RANBP17: variants seen among roughly 807,000 people sequenced by gnomAD.
RANBP17 encodes the protein ran-binding protein 17.
Under a neutral mutation model 141.2 loss-of-function variants are expected in RANBP17, and 158 were observed. The ratio of observed to expected loss-of-function variants is 1.12; its 90% CI spans 0.98 to 1.28. The LOEUF is 1.28. RANBP17 is among the 50% of genes most tolerant of loss of function. RANBP17 has a pLI of 0.00. For synonymous variants in RANBP17, 430 were observed against 450.0 expected (o/e 0.96, Z 0.56); for missense variants, 1,438 against 1,290.7 (o/e 1.11, Z -1.75).
intron 3 of RANBP17, among the ~76,000 whole-genome samples, chr5:170,889,575 G>T (rs1769432433): frequency 6.6e-6 from 1 of 152,106 alleles, no homozygotes; most frequent in Admixed American, 6.5e-5. Flanking sequence ...CATAATAGCA[G>T]TATCTTCACA....
chr5:170,908,657 G>GA (rs78393696), intron 5 of RANBP17, among the ~76,000 whole-genome samples: 1,811 of 135,646 alleles, frequency 0.013, 23 homozygotes, highest in African/African-American at 0.042. Context: ...TGAAAGTTGG[G>GA]AAAAAAAAAA....
intron 14 of RANBP17, among the ~76,000 whole-genome samples, chr5:171,010,580 AAGAG>A (rs1041137155): frequency 6.6e-6 from 1 of 152,156 alleles, no homozygotes; most frequent in Non-Finnish European, 1.5e-5. Context: ...AATCTGCAGA[AAGAG>A]ACCAGCAGTT....
chr5:171,071,899 CTT>C (rs916813250), intron 14 of RANBP17, among the ~76,000 whole-genome samples: 40 of 151,944 alleles, frequency 2.6e-4, no homozygotes, highest in African/African-American at 9.4e-4. Context: ...AAAGTTTAAA[CTT>C]TTAAACTTTC....
chr5:170,877,960 G>A (rs914474436), intron 1 of RANBP17, 137 bp from the exon 2 acceptor site: 25 of 496,700 alleles, frequency 5.0e-5, no homozygotes, highest in Admixed American at 4.2e-5. Flanking sequence ...GTATCCCCTA[G>A]TAAGTAGTTG....
At chr5:171,069,774 G>T (rs1277560507) in intron 14 of RANBP17, among the ~76,000 whole-genome samples, 1 of 152,088 alleles carries the variant, frequency 6.6e-6, no homozygotes, top group African/African-American at 2.4e-5. Flanking sequence ...CTCATGATGG[G>T]TTTGTCAGGA....
intron 3 of RANBP17, among the ~76,000 whole-genome samples, chr5:170,883,037 G>A (rs1485303286): frequency 6.6e-6 from 1 of 152,072 alleles, no homozygotes; most frequent in Non-Finnish European, 1.5e-5. Flanking sequence ...AATTTGACTG[G>A]TCAAAATCTC....
intron 25 of RANBP17, among the ~76,000 whole-genome samples, chr5:171,285,560 A>G (rs534394165): frequency 6.6e-6 from 1 of 152,216 alleles, no homozygotes; most frequent in African/African-American, 2.4e-5. Flanking sequence ...GGCAAGAGTG[A>G]GAGTTTCCCA....
intron 12 of RANBP17, among the ~76,000 whole-genome samples, chr5:170,947,565 A>G (rs1774864781): frequency 6.6e-6 from 1 of 152,178 alleles, no homozygotes; most frequent in Non-Finnish European, 1.5e-5. Flanking sequence ...TTGCATTATT[A>G]TCTCTCAGTG....
intron 14 of RANBP17, among the ~76,000 whole-genome samples, chr5:171,004,664 C>A (rs1370010348): frequency 2.0e-5 from 3 of 152,122 alleles, no homozygotes; most frequent in African/African-American, 4.8e-5. Context: ...AGCTGCTAAG[C>A]CAAGGAGATC....
chr5:170,870,570 A>G (rs1767637950), intron 1 of RANBP17, among the ~76,000 whole-genome samples: 1 of 152,206 alleles, frequency 6.6e-6, no homozygotes, highest in Non-Finnish European at 1.5e-5. Context: ...TAATGGCTGC[A>G]TAGTATTCCA....
chr5:170,908,032 A>G (rs1229097487), intron 5 of RANBP17, among the ~76,000 whole-genome samples: 1 of 151,948 alleles, frequency 6.6e-6, no homozygotes, highest in African/African-American at 2.4e-5. Context: ...CACAGATGCT[A>G]GCAAGGCTGT....
chr5:170,938,802 G>A (rs888710708), intron 12 of RANBP17, among the ~76,000 whole-genome samples: 1 of 152,072 alleles, frequency 6.6e-6, no homozygotes, highest in South Asian at 2.1e-4. Flanking sequence ...TAAAAGAGAC[G>A]TTAAAGGATG....
At chr5:171,078,320 G>A (rs1317678804) in intron 14 of RANBP17, among the ~76,000 whole-genome samples, 7 of 151,934 alleles carry the variant, frequency 4.6e-5, no homozygotes, top group African/African-American at 1.7e-4. Flanking sequence ...CTGCCACCAC[G>A]CCCAGCTAAT....
intron 24 of RANBP17, among the ~76,000 whole-genome samples, chr5:171,250,998 G>A (rs1049662933): frequency 6.6e-6 from 1 of 152,212 alleles, no homozygotes; most frequent in Non-Finnish European, 1.5e-5. Context: ...CAGAGCTACA[G>A]AATCTACTCA....
intron 1 of RANBP17, among the ~76,000 whole-genome samples, chr5:170,870,730 ATACCCAG>A (rs1420354450): frequency 1.3e-5 from 2 of 152,206 alleles, no homozygotes; most frequent in Admixed American, 1.3e-4. Context: ...CTTTGAGTAT[ATACCCAG>A]TAATGAGATT....
At chr5:171,023,449 C>G (rs183332341) in intron 14 of RANBP17, among the ~76,000 whole-genome samples, 47 of 152,252 alleles carry the variant, frequency 3.1e-4, no homozygotes, top group South Asian at 8.3e-4. Flanking sequence ...GCTATTTACA[C>G]TTCTTTTCTT....
chr5:171,177,291 A>G (rs1371881727), intron 16 of RANBP17, among the ~76,000 whole-genome samples: 1 of 152,032 alleles, frequency 6.6e-6, no homozygotes, highest in Non-Finnish European at 1.5e-5. Flanking sequence ...ACCTTCACCA[A>G]GTTCTTTAGA....
rs1762194904 is a variant in RANBP17 at position 171,199,749 on chromosome 5, C to G, written c.2118C>G (p.Asn706Lys). Reference sequence around the variant, plus strand: ...AAACAGTATTACAAATATTCAACAACAACTTTAAACAAGAAGATGTAAAGG... The same window carrying G: ...AAACAGTATTACAAATATTCAACAAGAACTTTAAACAAGAAGATGTAAAGG... The part of the protein sequence containing the change: ...AFETVLQIFN[N>K]NFKQEDVKRM... Residue 706 changes from asparagine to lysine, a missense_variant, in exon 19 of 28, where the codon AAC becomes AAG. By Grantham distance (94) the Asn-to-Lys change is moderately conservative. Transcript: ENST00000523189. 1 of 1,603,080 alleles carries G rather than the reference C, an allele frequency of 6.2e-7. No individual in the cohort carries two copies. Among genetic ancestry groups the G allele is most frequent in the East Asian group, 2.2e-5 (1 of 44,702 alleles).
intron 20 of RANBP17, among the ~76,000 whole-genome samples, chr5:171,213,422 T>C (rs1289842734): frequency 1.3e-5 from 2 of 152,046 alleles, no homozygotes; most frequent in Non-Finnish European, 2.9e-5. Flanking sequence ...TAAGAACAAA[T>C]TGCCAGCAAC....
Sources: gnomAD v4.1 joint callset for allele counts (sites outside exome capture counted in the v4.1 genomes callset) on GRCh38, gnomAD v4.1.1 for gene constraint, MANE v1.5 for transcripts, NCBI Gene and HGNC (gene_info 2026-07-23, HGNC 2026-07-21) for gene names.